The following MALRD1 variants were observed in gnomAD, a reference collection of about 807,000 sequenced individuals.
The protein encoded by MALRD1 is MAM and LDL receptor class A domain containing 1.
In MALRD1, 247 loss-of-function variants were observed where a neutral mutation model predicts 242.1. The observed-to-expected ratio is 1.02, with a 90% CI of 0.92 to 1.13. The LOEUF is 1.13. MALRD1 is among the 50% of genes most tolerant of loss of function. The pLI, the probability that MALRD1 is intolerant of heterozygous loss-of-function variation, is 0.00. For synonymous variants in MALRD1, 995 were observed against 866.6 expected, an observed-to-expected ratio of 1.15 and a Z score of -2.60; for missense variants, 2,989 against 2,533.1, an observed-to-expected ratio of 1.18 and a Z score of -3.86.
intron 33 of MALRD1, among the ~76,000 whole-genome samples, chr10:19,586,430 GT>G (rs1353163078): frequency 6.6e-6 from 1 of 152,140 alleles, no homozygotes; most frequent in Admixed American, 6.6e-5. Context: ...CTGTTTGTTA[GT>G]TTTCCTTCTA....
intron 36 of MALRD1, among the ~76,000 whole-genome samples, chr10:19,623,289 G>T (rs1324583578): frequency 1.3e-5 from 2 of 151,892 alleles, no homozygotes; most frequent in African/African-American, 2.4e-5. Flanking sequence ...AATACACAAA[G>T]AACTATTTTA....
At chr10:19,439,849 CTAAT>C (rs1392635819) in intron 28 of MALRD1, among the ~76,000 whole-genome samples, 3 of 152,160 alleles carry the variant, frequency 2.0e-5, no homozygotes, top group Non-Finnish European at 4.4e-5. Flanking sequence ...GGCAACCTTT[CTAAT>C]GTATATTCTT....
intron 21 of MALRD1, among the ~76,000 whole-genome samples, chr10:19,301,808 G>A (rs1036660532): frequency 1.3e-5 from 2 of 151,602 alleles, no homozygotes; most frequent in African/African-American, 4.8e-5. Context: ...TCAAACCTCA[G>A]TGACACAGAA....
intron 4 of MALRD1, among the ~76,000 whole-genome samples, chr10:19,099,798 C>G (rs1424594581): frequency 6.6e-6 from 1 of 150,800 alleles, no homozygotes. Flanking sequence ...TGGAATCTCA[C>G]TCTGTCACCC....
At chr10:19,165,265 A>ATATATATATATATATATATTTT in intron 12 of MALRD1, among the ~76,000 whole-genome samples, 3 of 130,284 alleles carry the variant, frequency 2.3e-5, no homozygotes, top group African/African-American at 6.5e-5. Flanking sequence ...ATATATATAT[A>ATATATATATATATATATATTTT]TTTTGTTTTG....
intron 36 of MALRD1, among the ~76,000 whole-genome samples, chr10:19,680,933 T>C (rs562689951): frequency 3.6e-4 from 55 of 152,274 alleles, no homozygotes; most frequent in Non-Finnish European, 7.2e-4. Flanking sequence ...AAATTCTGGG[T>C]TGGAAATTAT....
intron 36 of MALRD1, among the ~76,000 whole-genome samples, chr10:19,616,782 CAAT>C (rs1184012249): frequency 6.6e-6 from 1 of 151,876 alleles, no homozygotes; most frequent in Non-Finnish European, 1.5e-5. Context: ...CCAATTAAAA[CAAT>C]AACAAAAATT....
chr10:19,437,440 G>C (rs184344938), intron 28 of MALRD1, among the ~76,000 whole-genome samples: 1 of 151,910 alleles, frequency 6.6e-6, no homozygotes, highest in East Asian at 1.9e-4. Context: ...GTTTAGAAAT[G>C]TCACCAGGAC....
chr10:19,362,713 C>A (rs1280131030), intron 26 of MALRD1, among the ~76,000 whole-genome samples: 1 of 152,156 alleles, frequency 6.6e-6, no homozygotes, highest in South Asian at 2.1e-4. Flanking sequence ...ATGGATAAAA[C>A]CCTGCAAGTG....
intron 38 of MALRD1, among the ~76,000 whole-genome samples, chr10:19,723,697 A>G (rs1172360204): frequency 6.6e-6 from 1 of 151,342 alleles, no homozygotes. Context: ...AGCTATGATC[A>G]CACCACTGTA....
At chr10:19,568,762 A>G (rs1215529378) in intron 33 of MALRD1, among the ~76,000 whole-genome samples, 5 of 152,086 alleles carry the variant, frequency 3.3e-5, no homozygotes, top group Non-Finnish European at 5.9e-5. Context: ...TTTTCCCCCA[A>G]TAATTATAGA....
rs548805472 is a variant in MALRD1 at position 19,110,998 on chromosome 10, G to A, written c.694+6923G>A. Among the ~76,000 whole-genome samples the A allele has an allele frequency of 2.0e-5, 3 of 152,264 alleles. No individual in the cohort carries two copies. The East Asian group carries it at 5.8e-4, about 29-fold the overall frequency. ...CAAATTTACAAACACACATGCTTGG[G>A]TGATGCTTGGGAATTGAGATGGCCT... On this transcript the variant is annotated intron_variant, in intron 5 of 39. Transcript: ENST00000454679.
At chr10:19,446,867 A>G (rs956229280) in intron 28 of MALRD1, among the ~76,000 whole-genome samples, 6 of 152,180 alleles carry the variant, frequency 3.9e-5, no homozygotes, top group African/African-American at 1.4e-4. Context: ...ATACAAGGGA[A>G]AAGTCCCTCA....
At chr10:19,331,300 T>C (rs1237082181) in intron 23 of MALRD1, 69 bp from the exon 24 acceptor site, 5 of 1,204,952 alleles carry the variant, frequency 4.1e-6, no homozygotes, top group Non-Finnish European at 6.0e-6. Context: ...ATGTGCTTGA[T>C]ACTTAGTGTT....
At chr10:19,561,477 G>A (rs892548821) in intron 32 of MALRD1, among the ~76,000 whole-genome samples, 1 of 152,098 alleles carries the variant, frequency 6.6e-6, no homozygotes, top group Non-Finnish European at 1.5e-5. Context: ...ATTTCCCTTT[G>A]CAATTCTGTG....
At chr10:19,423,847 G>A (rs190871792) in intron 28 of MALRD1, among the ~76,000 whole-genome samples, 21 of 152,238 alleles carry the variant, frequency 1.4e-4, no homozygotes, top group Admixed American at 3.9e-4. Flanking sequence ...ATCTGCATAC[G>A]GGCGGCCATC....
intron 18 of MALRD1, among the ~76,000 whole-genome samples, chr10:19,245,826 AG>A (rs1465855926): frequency 6.6e-6 from 1 of 152,196 alleles, no homozygotes; most frequent in Non-Finnish European, 1.5e-5. Context: ...TGATATGTAA[AG>A]TAAGTGCCAT....
intron 29 of MALRD1, among the ~76,000 whole-genome samples, chr10:19,464,948 ATTTTTTTTT>A (rs60320410): frequency 6.0e-5 from 8 of 133,798 alleles, no homozygotes; most frequent in East Asian, 4.3e-4. Flanking sequence ...TATAATTCCA[ATTTTTTTTT>A]TTTTTTTTTT....
At chr10:19,489,093 C>T in intron 29 of MALRD1, 1 of 462,192 alleles carries the variant, frequency 2.2e-6, no homozygotes, top group Non-Finnish European at 4.4e-6. Flanking sequence ...TTTCCGGAGC[C>T]AGAATGCCCA....
Sources: allele counts gnomAD v4.1 joint callset (sites outside exome capture counted in the v4.1 genomes callset), GRCh38; gene constraint gnomAD v4.1.1; transcripts MANE v1.5; gene names NCBI Gene and HGNC (gene_info 2026-07-23, HGNC 2026-07-21).